EI24: variants seen among roughly 807,000 people sequenced by gnomAD.
EI24 encodes EI24 autophagy associated transmembrane protein, also known as etoposide-induced protein 2.4 homolog.
EI24 carries 21 observed loss-of-function variants against 48.6 expected under a neutral mutation model. The ratio of observed to expected loss-of-function variants is 0.43; its 90% CI spans 0.31 to 0.62. The LOEUF (loss-of-function observed/expected upper bound fraction) is 0.62. Among genes scored for constraint, EI24 ranks in the 20% least tolerant of loss-of-function variants. The pLI is 0.10. For missense variants in EI24, 280 were observed against 410.5 expected (o/e 0.68, Z 2.75); for synonymous variants, 114 against 145.5 (o/e 0.78, Z 1.56).
At chr11:125,578,480 CTTTTTTT>C (rs370986926) in intron 6 of EI24, among the ~76,000 whole-genome samples, 5 of 84,694 alleles carry the variant, frequency 5.9e-5, no homozygotes, top group East Asian at 7.4e-4. Context: ...TTCGTTTTGG[CTTTTTTT>C]TTTTTTTTTT....
At chr11:125,575,627 ATAT>A (rs1938709320) in intron 3 of EI24, among the ~76,000 whole-genome samples, 1 of 152,156 alleles carries the variant, frequency 6.6e-6, no homozygotes, top group African/African-American at 2.4e-5. Flanking sequence ...GAATCGCAAA[ATAT>A]TATTTGGTTT....
At chr11:125,572,130 G>A (rs1938556161) in intron 1 of EI24, among the ~76,000 whole-genome samples, 1 of 152,198 alleles carries the variant, frequency 6.6e-6, no homozygotes, top group South Asian at 2.1e-4. Context: ...TGCTTAGAAT[G>A]TGTAGGAGGG....
At chr11:125,579,895 C>A (rs1256549082) in intron 7 of EI24, among the ~76,000 whole-genome samples, 198 bp from the exon 8 acceptor site, 1 of 152,036 alleles carries the variant, frequency 6.6e-6, no homozygotes, top group Non-Finnish European at 1.5e-5. Flanking sequence ...AACTCTTGGC[C>A]TCAAGAGATC....
rs757684668 is a variant in EI24 at position 125,572,549 on chromosome 11, T to A, written c.22T>A (p.Phe8Ile). 6.2e-7 allele frequency: 1 copy of A among 1,613,858 alleles called. No homozygotes were observed. The highest frequency in any genetic ancestry group is 8.5e-7 in the Non-Finnish European group (1 of 1,179,846). The stretch of plus-strand genomic sequence containing the variant: ...AGAGATGGCTGACAGTGTCAAAACC[T>A]TTCTCCAGGACCTTGCCAGAGTGAG... MADSVKT[F>I]LQDLARGIKD... The change falls in exon 2 of 11, where the codon TTT (phenylalanine) becomes ATT (isoleucine). Residue 8 changes from phenylalanine to isoleucine, a missense_variant. Phe to Ile is a conservative substitution (Grantham distance 21). Coordinates refer to ENST00000278903, the MANE Select transcript of EI24 (RefSeq NM_004879.5).
At position 125,575,296 on chromosome 11, in the gene EI24, A is replaced by G. The variant is rs758650270; in HGVS notation, c.76A>G (p.Ile26Val). Residue 26 changes from isoleucine (I) to valine (V), a missense_variant, in exon 3 of 11, where the codon ATC becomes GTC. Around this residue, in one of 3 missense-constraint regions of EI24, gnomAD observed 204 missense variants for 294.1 expected, o/e 0.69. Coordinates refer to ENST00000278903, the MANE Select transcript of EI24 (RefSeq NM_004879.5). ...AGACTCCATCTGGGGTATTTGTACC[A>G]TCTCAAAGCTAGATGCTCGAATCCA... is the stretch of plus-strand genomic sequence containing the variant. Reference protein sequence around the residue: ...IKDSIWGICTISKLDARIQQK... With the variant: ...IKDSIWGICTVSKLDARIQQK... The G allele has an allele frequency of 4.5e-6, 7 of 1,554,050 alleles. No homozygotes were observed. The highest frequency in any genetic ancestry group is 6.1e-6 in the Non-Finnish European group (7 of 1,148,446).
intron 3 of EI24, chr11:125,575,948 C>CT (rs1938733001): frequency 2.6e-6 from 1 of 385,856 alleles, no homozygotes. Context: ...ACCACCACGC[C>CT]TGGCTAATTT....
intron 5 of EI24, 103 bp downstream of exon 5, chr11:125,577,673 C>G: frequency 1.0e-6 from 1 of 969,364 alleles, no homozygotes; most frequent in South Asian, 1.7e-5. Context: ...GGAGCTTTCA[C>G]TGTTTATTTT....
At chr11:125,582,198 CA>C (rs1367192910) in intron 9 of EI24, 147 bp from the exon 10 acceptor site, 19,309 of 605,300 alleles carry the variant, frequency 0.032, no homozygotes, top group South Asian at 0.048. Flanking sequence ...GACTCCATCT[CA>C]AAAAAAAAAA....
chr11:125,574,839 C>T (rs1192625554), intron 2 of EI24: 1 of 152,556 alleles, frequency 6.6e-6, no homozygotes, highest in Non-Finnish European at 1.5e-5. Context: ...AAAAAAAAAC[C>T]TTTAATGTAA....
At chr11:125,581,416 C>A in intron 9 of EI24, 94 bp downstream of exon 9, 1 of 674,770 alleles carries the variant, frequency 1.5e-6, no homozygotes, top group Non-Finnish European at 2.5e-6. Context: ...TCGCATTCTA[C>A]ATCATCATTT....
At position 125,584,145 on chromosome 11, in the gene EI24, GT is replaced by G. The variant is rs1565334837; in HGVS notation, c.*464del. 1.3e-5 allele frequency: 2 copies of G among 153,276 alleles called. No individual in the cohort carries two copies. Among genetic ancestry groups the G allele is most frequent in the African/African-American group, 5.3e-5 (2 of 37,962 alleles). The allele number at this position is 153,276 out of a possible 1,614,324, so 9.5% of individuals were successfully genotyped here. A position where few individuals can be genotyped will look rare whatever the true frequency, so the allele number is the denominator to read the frequency against. ...ATATGGGAGGTAAAGGAGTGTCCCA[GT>G]TGCTCCTGGTCACTCCCTTTATAGC... On this transcript the variant is annotated 3_prime_UTR_variant, in exon 11 of 11. Transcript: ENST00000278903.
chr11:125,573,211 T>G (rs1938595716), intron 2 of EI24, among the ~76,000 whole-genome samples: 1 of 152,082 alleles, frequency 6.6e-6, no homozygotes, highest in Admixed American at 6.5e-5. Context: ...TGCCAGAACC[T>G]TTTTTCTCCC....
intron 2 of EI24, 44 bp downstream of exon 2, chr11:125,572,613 T>A: frequency 6.3e-7 from 1 of 1,589,720 alleles, no homozygotes; most frequent in Non-Finnish European, 8.6e-7. Flanking sequence ...CGGCCTTTTT[T>A]TTTTTTGCTG....
Position 125,584,089 on chromosome 11 carries a change from T to A in EI24, c.*406T>A. 1 of 212,266 alleles carries A rather than the reference T, an allele frequency of 4.7e-6. No individual in the cohort carries two copies. The highest frequency in any genetic ancestry group is 6.1e-5 in the South Asian group (1 of 16,308). The allele number at this position is 212,266 out of a possible 1,614,324, so 13.1% of individuals were successfully genotyped here. ...GTTGTATTTTGTGAATTTGTTAATT[T>A]TGTTGTTTTTCTGTGAAACACATAC... On this transcript the variant is annotated 3_prime_UTR_variant, in exon 11 of 11. Coordinates refer to ENST00000278903, the MANE Select transcript of EI24 (RefSeq NM_004879.5).
chr11:125,570,988 C>G (rs1484210341), intron 1 of EI24, among the ~76,000 whole-genome samples: 2 of 152,174 alleles, frequency 1.3e-5, no homozygotes, highest in African/African-American at 4.8e-5. Flanking sequence ...GTTTCTTACC[C>G]TAGAGACTTC....
Position 125,569,995 on chromosome 11 carries a change from C to T in EI24, c.-71+422C>T, listed in dbSNP as rs559418590. 3 of 154,138 alleles carry T rather than the reference C, an allele frequency of 1.9e-5. No homozygotes were observed. The South Asian group carries it at 6.2e-4, about 32-fold the overall frequency. The allele number at this position is 154,138 out of a possible 1,614,324, so 9.5% of individuals were successfully genotyped here. The stretch of plus-strand genomic sequence containing the variant: ...TACCTGGAGTGGGCTACGACAGCTT[C>T]CTGTTTGCCGAGACTTGGGTTTAGT... On this transcript the variant is annotated intron_variant, in intron 1 of 10. Coordinates refer to ENST00000278903, the MANE Select transcript of EI24 (RefSeq NM_004879.5).
At position 125,576,262 on chromosome 11, in the gene EI24, C is replaced by T. The variant is rs368526220; in HGVS notation, c.196C>T (p.Arg66Cys). The T allele has an allele frequency of 1.9e-5, 30 of 1,613,590 alleles. No homozygotes were observed. The highest frequency in any genetic ancestry group is 1.1e-4 in the East Asian group (5 of 44,882). The change falls in exon 4 of 11, where the codon CGT becomes TGT. Residue 66 changes from arginine (R) to cysteine (C), a missense_variant. This residue lies in a region of EI24 where 204 missense variants were observed against 294.1 expected (regional missense o/e 0.69). Transcript: ENST00000278903. ...ACATGTGATCTTTTCCAGTGAGCCACGTATTGTTAGTAGAATTTTCCAGTG... is the reference window on the plus strand; with the variant it reads ...ACATGTGATCTTTTCCAGTGAGCCATGTATTGTTAGTAGAATTTTCCAGTG... ...SIERKQESEP[R>C]IVSRIFQCCA...
intron 10 of EI24, 126 bp downstream of exon 10, chr11:125,582,546 T>G: frequency 1.4e-6 from 1 of 719,176 alleles, no homozygotes; most frequent in Non-Finnish European, 2.2e-6. Context: ...TAAGGTTTAA[T>G]GAGAGAGAAA....
chr11:125,575,145 T>C, intron 2 of EI24, 118 bp from the exon 3 acceptor site: 2 of 897,676 alleles, frequency 2.2e-6, no homozygotes, highest in African/African-American at 3.4e-5. Context: ...GAGGATCATT[T>C]GAACCCAGGA....
Sources: allele counts gnomAD v4.1 joint callset (sites outside exome capture counted in the v4.1 genomes callset), GRCh38; gene constraint gnomAD v4.1.1; regional missense constraint gnomAD v4.1.1; transcripts MANE v1.5; gene names NCBI Gene and HGNC (gene_info 2026-07-23, HGNC 2026-07-21).